The following UBE2E2 variants were observed in gnomAD, a reference collection of about 807,000 sequenced individuals.
UBE2E2 encodes ubiquitin-conjugating enzyme E2 E2.
In UBE2E2, 6 loss-of-function variants were observed where a neutral mutation model predicts 24.7. That is an observed-to-expected ratio of 0.24 (90% CI 0.13 to 0.48). The LOEUF (loss-of-function observed/expected upper bound fraction) is 0.48. UBE2E2 is among the 20% of genes least tolerant of loss of function. The pLI is 0.99. For missense variants in UBE2E2, 169 were observed against 245.0 expected, an observed-to-expected ratio of 0.69 and a Z score of 2.07; for synonymous variants, 104 against 83.6, an observed-to-expected ratio of 1.24 and a Z score of -1.33.
At chr3:23,482,800 C>T (rs558347649) in intron 3 of UBE2E2, among the ~76,000 whole-genome samples, 22 of 152,040 alleles carry the variant, frequency 1.4e-4, no homozygotes, top group Non-Finnish European at 2.5e-4. Context: ...GAATAATAAT[C>T]CTATCTCACT....
chr3:23,302,699 TAG>T (rs1336394538), intron 3 of UBE2E2, among the ~76,000 whole-genome samples: 1 of 152,234 alleles, frequency 6.6e-6, no homozygotes, highest in African/African-American at 2.4e-5. Context: ...GAGCCTAAAT[TAG>T]ATCTGTCAGT....
At chr3:23,487,854 G>C (rs1411819603) in intron 3 of UBE2E2, among the ~76,000 whole-genome samples, 1 of 152,070 alleles carries the variant, frequency 6.6e-6, no homozygotes. Flanking sequence ...TCTGTGTGCA[G>C]GTCACTTTTG....
intron 3 of UBE2E2, among the ~76,000 whole-genome samples, chr3:23,349,178 C>T (rs1695650758): frequency 6.6e-6 from 1 of 152,272 alleles, no homozygotes; most frequent in Admixed American, 6.5e-5. Flanking sequence ...AAAGCAAAAC[C>T]TGATGCTGAG....
chr3:23,246,966 C>T (rs1427621847), intron 3 of UBE2E2, among the ~76,000 whole-genome samples: 1 of 152,182 alleles, frequency 6.6e-6, no homozygotes, highest in African/African-American at 2.4e-5. Context: ...CTTCTTGCCT[C>T]AGCCTCCCTA....
At chr3:23,377,228 C>T (rs534944575) in intron 3 of UBE2E2, among the ~76,000 whole-genome samples, 2 of 152,194 alleles carry the variant, frequency 1.3e-5, no homozygotes, top group East Asian at 1.9e-4. Flanking sequence ...ATCAGCTGAG[C>T]CTCAGAACTC....
At chr3:23,555,536 C>A (rs186446891) in intron 5 of UBE2E2, among the ~76,000 whole-genome samples, 20 of 152,226 alleles carry the variant, frequency 1.3e-4, no homozygotes, top group African/African-American at 4.6e-4. Context: ...AAATGAAATA[C>A]CACCTCATAT....
intron 3 of UBE2E2, among the ~76,000 whole-genome samples, chr3:23,284,382 G>T (rs2125373808): frequency 6.6e-6 from 1 of 152,162 alleles, no homozygotes; most frequent in East Asian, 1.9e-4. Flanking sequence ...TATCATGAGA[G>T]TTTGCTAAAA....
At chr3:23,237,155 CAT>C (rs1690235176) in intron 3 of UBE2E2, among the ~76,000 whole-genome samples, 1 of 152,096 alleles carries the variant, frequency 6.6e-6, no homozygotes, top group African/African-American at 2.4e-5. Flanking sequence ...TGAGTTAATA[CAT>C]GTAAAGCACT....
intron 4 of UBE2E2, among the ~76,000 whole-genome samples, chr3:23,512,589 T>G (rs948132286): frequency 3.3e-5 from 5 of 152,122 alleles, no homozygotes; most frequent in Admixed American, 2.0e-4. Flanking sequence ...CCCTTTTGCC[T>G]CTATTTTTGT....
chr3:23,356,424 A>C (rs1695951802), intron 3 of UBE2E2, among the ~76,000 whole-genome samples: 1 of 152,212 alleles, frequency 6.6e-6, no homozygotes, highest in Admixed American at 6.5e-5. Context: ...GAATCATGTG[A>C]GGTTAGGACT....
At chr3:23,212,830 T>G (rs778749438) in intron 2 of UBE2E2, among the ~76,000 whole-genome samples, 1 of 152,126 alleles carries the variant, frequency 6.6e-6, no homozygotes, top group Non-Finnish European at 1.5e-5. Flanking sequence ...ATGTGCACAA[T>G]TATTGATGGT....
chr3:23,266,402 A>G (rs1698050587), intron 3 of UBE2E2, among the ~76,000 whole-genome samples: 1 of 152,130 alleles, frequency 6.6e-6, no homozygotes, highest in South Asian at 2.1e-4. Context: ...TCCTTCACTT[A>G]TGAAGCTTAG....
intron 5 of UBE2E2, among the ~76,000 whole-genome samples, chr3:23,539,453 C>T (rs148861525): frequency 5.9e-5 from 9 of 152,294 alleles, no homozygotes; most frequent in Non-Finnish European, 1.2e-4. Context: ...TTTAAAGTTT[C>T]ACCCTTATCT....
chr3:23,455,646 A>G (rs1698661508), intron 3 of UBE2E2, among the ~76,000 whole-genome samples: 1 of 152,132 alleles, frequency 6.6e-6, no homozygotes, highest in African/African-American at 2.4e-5. Context: ...AGCTGGGATC[A>G]CGCCACTGCA....
At chr3:23,255,649 C>G (rs1378768353) in intron 3 of UBE2E2, among the ~76,000 whole-genome samples, 1 of 152,136 alleles carries the variant, frequency 6.6e-6, no homozygotes, top group African/African-American at 2.4e-5. Flanking sequence ...TAAGCTCTCT[C>G]TTTTTTCTAT....
intron 5 of UBE2E2, among the ~76,000 whole-genome samples, chr3:23,566,660 G>A (rs1696080670): frequency 2.0e-5 from 3 of 151,994 alleles, no homozygotes; most frequent in Admixed American, 2.0e-4. Flanking sequence ...AAAGCAAGAA[G>A]TTGCCACACT....
intron 3 of UBE2E2, among the ~76,000 whole-genome samples, chr3:23,249,165 G>A (rs936439416): frequency 6.6e-6 from 1 of 151,952 alleles, no homozygotes; most frequent in Non-Finnish European, 1.5e-5. Context: ...CAGCTACTTG[G>A]GAGGTTGAGG....
At chr3:23,355,509 C>T (rs188589062) in intron 3 of UBE2E2, among the ~76,000 whole-genome samples, 1 of 152,256 alleles carries the variant, frequency 6.6e-6, no homozygotes, top group African/African-American at 2.4e-5. Context: ...TGTTTTAAAT[C>T]AGAAGATACT....
rs547748351 is a variant in UBE2E2, at chr3:23,349,614, C to T, written c.227+132302C>T. Among the ~76,000 whole-genome samples, 109 of 152,320 alleles carry T rather than the reference C, an allele frequency of 7.2e-4. 1 individual carries two copies. The highest frequency in any genetic ancestry group is 1.4e-3 in the Non-Finnish European group (95 of 68,032). On this transcript the variant is annotated intron_variant, in intron 3 of 5. Coordinates refer to ENST00000396703, the MANE Select transcript of UBE2E2 (RefSeq NM_152653.4). ...CAAGGCTCGGAGGGTCCTACGCCCA[C>T]GGAATCTCGCTGATTGCTAGCACAG...
Sources: gnomAD v4.1 joint callset for allele counts (sites outside exome capture counted in the v4.1 genomes callset) on GRCh38, gnomAD v4.1.1 for gene constraint, MANE v1.5 for transcripts, NCBI Gene and HGNC (gene_info 2026-07-23, HGNC 2026-07-21) for gene names.